The following SINHCAF variants were observed in gnomAD, a reference collection of about 807,000 sequenced individuals.
SINHCAF encodes SIN3-HDAC complex-associated factor.
A neutral mutation model predicts 25.8 loss-of-function variants in SINHCAF; 3 were observed. The ratio of observed to expected loss-of-function variants is 0.12; its 90% confidence interval spans 0.05 to 0.30. The LOEUF (loss-of-function observed/expected upper bound fraction) is 0.30. Ranked by LOEUF, SINHCAF falls within the 10% of genes least tolerant of loss-of-function variation. SINHCAF has a pLI of 1.00. For missense variants in SINHCAF, 121 were observed against 262.3 expected, an observed-to-expected ratio of 0.46 and a Z score of 3.72; for synonymous variants, 70 against 85.5, an observed-to-expected ratio of 0.82 and a Z score of 1.00.
chr12:31,285,906 C>T (rs959588672), intron 5 of SINHCAF, among the ~76,000 whole-genome samples: 5 of 149,700 alleles, frequency 3.3e-5, no homozygotes, highest in African/African-American at 7.4e-5. Flanking sequence ...GCCCAGGAGG[C>T]GGACATTGCA....
Position 31,299,910 on chromosome 12 carries a change from T to C in SINHCAF, c.-20-1686A>G, listed in dbSNP as rs140731757. The stretch of plus-strand genomic sequence containing the variant: ...AAACTTATACAGCGTGTGACGGTAC[T>C]GAATGCCGTGGGCAACTGTAATACA... On this transcript the variant is annotated intron_variant, in intron 1 of 5. Transcript: ENST00000337682. Among the ~76,000 whole-genome samples the C allele has an allele frequency of 2.9e-3, 441 of 152,324 alleles. 1 individual carries two copies. Among genetic ancestry groups the C allele is most frequent in the Non-Finnish European group, 4.8e-3 (325 of 68,018 alleles).
chr12:31,301,744 T>C (rs1938803147), intron 1 of SINHCAF, among the ~76,000 whole-genome samples: 1 of 151,578 alleles, frequency 6.6e-6, no homozygotes, highest in Non-Finnish European at 1.5e-5. Context: ...CATGAAATGT[T>C]TAAAAAAACA....
At chr12:31,319,370 T>C (rs184663719) in intron 1 of SINHCAF, among the ~76,000 whole-genome samples, 2 of 152,168 alleles carry the variant, frequency 1.3e-5, no homozygotes, top group Admixed American at 6.5e-5. Flanking sequence ...CTACTAAAAA[T>C]ACAAAAAATT....
chr12:31,312,049 C>T, intron 1 of SINHCAF: 1 of 558,952 alleles, frequency 1.8e-6, no homozygotes, highest in Admixed American at 2.0e-5. Flanking sequence ...GAGGATGGTA[C>T]CAGCAGTCTA....
chr12:31,289,673 T>C (rs1370800957), intron 4 of SINHCAF, among the ~76,000 whole-genome samples: 1 of 152,080 alleles, frequency 6.6e-6, no homozygotes, highest in African/African-American at 2.4e-5. Flanking sequence ...ACCTTGCCCA[T>C]CCCAGGACAC....
Position 31,325,562 on chromosome 12 carries a change from C to CGAGAT in SINHCAF, c.-21+461_-21+462insATCTC. On this transcript the variant is annotated intron_variant, in intron 1 of 5. Coordinates refer to ENST00000337682, the MANE Select transcript of SINHCAF (RefSeq NM_001135812.2). This position sits in a 1 kb window ranked among gnomAD's most constrained non-coding sequence, Gnocchi z 5.9. ...ACGAGGTTTCACAACGGCGCCCGACCCTGCCCGCGCCTCGCGCCCACGCGG... is the reference window on the plus strand; with the variant it reads ...ACGAGGTTTCACAACGGCGCCCGACCGAGATCTGCCCGCGCCTCGCGCCCACGCGG... The CGAGAT allele has an allele frequency of 5.1e-6, 1 of 197,098 alleles. No individual in the cohort carries two copies. Among genetic ancestry groups the CGAGAT allele is most frequent in the Non-Finnish European group, 1.1e-5 (1 of 92,748 alleles). 12.2% of individuals were successfully genotyped at this position (197,098 alleles called of 1,614,324 possible).
chr12:31,303,233 C>G (rs1188644315), intron 1 of SINHCAF: 1 of 985,214 alleles, frequency 1.0e-6, no homozygotes, highest in Non-Finnish European at 1.2e-6. Flanking sequence ...TGTATTTCCA[C>G]ATTTTCCCCC....
intron 1 of SINHCAF, chr12:31,323,990 G>A (rs1413386581): frequency 2.2e-5 from 10 of 455,704 alleles, no homozygotes; most frequent in Admixed American, 9.4e-5. Context: ...TGACTGCCGA[G>A]AGAGACGCCG....
At chr12:31,288,757 T>C (rs1404341042) in intron 4 of SINHCAF, among the ~76,000 whole-genome samples, 1 of 152,130 alleles carries the variant, frequency 6.6e-6, no homozygotes, top group African/African-American at 2.4e-5. Context: ...TGTCCAGGTT[T>C]CAATAAAAAA....
At chr12:31,316,677 TAAGAA>T (rs1482813260) in intron 1 of SINHCAF, among the ~76,000 whole-genome samples, 2 of 152,214 alleles carry the variant, frequency 1.3e-5, no homozygotes, top group South Asian at 2.1e-4. Context: ...AGACGCTATT[TAAGAA>T]AAGTTTTCTG....
Position 31,313,935 on chromosome 12 carries a change from G to C in SINHCAF, c.-21+12089C>G, listed in dbSNP as rs143858312. Among the ~76,000 whole-genome samples the C allele has an allele frequency of 5.9e-5, 9 of 152,104 alleles. No homozygotes were observed. In the East Asian group the frequency reaches 1.7e-3, roughly 30 times the overall value. On this transcript the variant is annotated intron_variant, in intron 1 of 5. Coordinates refer to ENST00000337682, the MANE Select transcript of SINHCAF (RefSeq NM_001135812.2). ...CTCCCAAAGTGCTGGGATTACAGGCGTGAGCCACCACGCCCGGCCAATTAA... is the reference window on the plus strand; with the variant it reads ...CTCCCAAAGTGCTGGGATTACAGGCCTGAGCCACCACGCCCGGCCAATTAA...
At chr12:31,298,462 C>T (rs1161512910) in intron 1 of SINHCAF, 1 of 422,312 alleles carries the variant, frequency 2.4e-6, no homozygotes, top group Non-Finnish European at 4.3e-6. Flanking sequence ...TCCTAACTCG[C>T]CTAACAAACA....
At chr12:31,289,148 G>A (rs1192556008) in intron 4 of SINHCAF, among the ~76,000 whole-genome samples, 1 of 152,298 alleles carries the variant, frequency 6.6e-6, no homozygotes, top group South Asian at 2.1e-4. Flanking sequence ...AATGAACAGA[G>A]CAGGAGAAAC....
At chr12:31,296,539 C>T (rs571795404) in intron 2 of SINHCAF, among the ~76,000 whole-genome samples, 1 of 152,124 alleles carries the variant, frequency 6.6e-6, no homozygotes, top group Non-Finnish European at 1.5e-5. Flanking sequence ...ATTCCAGTTT[C>T]GCAGCAAACA....
intron 4 of SINHCAF, among the ~76,000 whole-genome samples, chr12:31,292,739 C>A (rs1592961860): frequency 6.6e-6 from 1 of 152,188 alleles, no homozygotes; most frequent in East Asian, 1.9e-4. Context: ...ACTGAGATTA[C>A]ATATGTAAAG....
rs997096033 is a variant in SINHCAF at position 31,295,607 on chromosome 12, C to T, written c.129-274G>A. The stretch of plus-strand genomic sequence containing the variant: ...AGGCCAGGCTGGGTGCGGTGGCTCA[C>T]GCCTGCAATCCCAGCACTTTGAGAG... On this transcript the variant is annotated intron_variant, in intron 2 of 5. Transcript: ENST00000337682. Among the ~76,000 whole-genome samples, 7 of 152,286 alleles carry T rather than the reference C, an allele frequency of 4.6e-5. No homozygotes were observed. In the East Asian group the frequency reaches 5.8e-4, roughly 13 times the overall value.
At chr12:31,297,855 T>TA (rs1405744813) in intron 2 of SINHCAF, among the ~76,000 whole-genome samples, 1 of 152,156 alleles carries the variant, frequency 6.6e-6, no homozygotes, top group Non-Finnish European at 1.5e-5. Context: ...GCTACAACTT[T>TA]AAGGGGCTTC....
At chr12:31,290,026 G>C (rs547648976) in intron 4 of SINHCAF, among the ~76,000 whole-genome samples, 1 of 151,960 alleles carries the variant, frequency 6.6e-6, no homozygotes, top group Admixed American at 6.6e-5. Context: ...ACAAGGTCTC[G>C]TTATTTGCCC....
chr12:31,315,975 G>C (rs914436130), intron 1 of SINHCAF, among the ~76,000 whole-genome samples: 3 of 152,138 alleles, frequency 2.0e-5, no homozygotes, highest in African/African-American at 7.2e-5. Context: ...AGACCAGCCT[G>C]ACCAACATGA....
Sources: allele counts gnomAD v4.1 joint callset (sites outside exome capture counted in the v4.1 genomes callset), GRCh38; gene constraint gnomAD v4.1.1; non-coding constraint Gnocchi (gnomAD v3.1); transcripts MANE v1.5; gene names NCBI Gene and HGNC (gene_info 2026-07-23, HGNC 2026-07-21).